TNFAIP2: variants seen among roughly 807,000 people sequenced by gnomAD.
TNFAIP2 encodes the protein TNF alpha induced protein 2, also known as tumor necrosis factor alpha-induced protein 2.
Under a neutral mutation model 63.5 loss-of-function variants are expected in TNFAIP2, and 47 were observed. That is an observed-to-expected ratio of 0.74 (90% CI 0.59 to 0.94). The LOEUF (loss-of-function observed/expected upper bound fraction) is 0.94. TNFAIP2 is among the 40% of genes least tolerant of loss of function. The pLI, the probability that TNFAIP2 is intolerant of heterozygous loss-of-function variation, is 0.00. For missense variants in TNFAIP2, 787 were observed against 850.2 expected (o/e 0.93, Z 0.92); for synonymous variants, 405 against 390.2 (o/e 1.04, Z -0.45).
At chr14:103,125,698 C>T (rs1316578623) in intron 1 of TNFAIP2, among the ~76,000 whole-genome samples, 1 of 152,198 alleles carries the variant, frequency 6.6e-6, no homozygotes, top group African/African-American at 2.4e-5. Context: ...CCCACTGTGG[C>T]TTCTGTAGAT....
intron 1 of TNFAIP2, among the ~76,000 whole-genome samples, chr14:103,125,560 C>A (rs1219265682): frequency 6.6e-6 from 1 of 152,154 alleles, no homozygotes; most frequent in East Asian, 1.9e-4. Flanking sequence ...TGCTACGATC[C>A]CATTTGGGAG....
Position 103,127,749 on chromosome 14 carries a change from T to C in TNFAIP2, c.860+120T>C. 8.1e-7 allele frequency: 1 copy of C among 1,230,074 alleles called. No individual in the cohort carries two copies. The highest frequency in any genetic ancestry group is 2.8e-5 in the East Asian group (1 of 36,140). 76.2% of individuals were successfully genotyped at this position (1,230,074 alleles called of 1,614,324 possible). A position where few individuals can be genotyped will look rare whatever the true frequency, so the allele number is the denominator to read the frequency against. ...TAGTGAGGTCGGTGTTTGCAGAGTT[T>C]TGGGTCCGAGAATGCAGGGGTGGGA... On this transcript the variant is annotated intron_variant, in intron 3 of 11. Transcript: ENST00000560869. This position sits in a 1 kb window ranked among gnomAD's most constrained non-coding sequence, Gnocchi z 5.1.
In TNFAIP2 at chr14:103,135,401, C is replaced by A. The variant is rs772335970; in HGVS notation, c.*41C>A. ...GACCTGCCTGTGAGTGCCCAGCAAG[C>A]CTTGGGCACACCCCGCTGGGAGCTG... On this transcript the variant is annotated 3_prime_UTR_variant, in exon 12 of 12. Coordinates refer to ENST00000560869, the MANE Select transcript of TNFAIP2 (RefSeq NM_006291.4). This position sits in a 1 kb window ranked among gnomAD's most constrained non-coding sequence, Gnocchi z 7.6. The A allele has an allele frequency of 8.3e-6, 13 of 1,565,314 alleles. No individual in the cohort carries two copies. In the East Asian group the frequency reaches 2.5e-4, roughly 30 times the overall value.
In TNFAIP2 at chr14:103,127,777, T is replaced by TG; in HGVS notation, c.860+150dup. On this transcript the variant is annotated intron_variant, in intron 3 of 11. Coordinates refer to ENST00000560869, the MANE Select transcript of TNFAIP2 (RefSeq NM_006291.4). This position sits in a 1 kb window ranked among gnomAD's most constrained non-coding sequence, Gnocchi z 5.1. ...GGTCCGAGAATGCAGGGGTGGGACT[T>TG]GGACTCCCTGGGGCAGAGCCTGGAC... The TG allele has an allele frequency of 1.1e-6, 1 of 913,850 alleles. No individual in the cohort carries two copies. Among genetic ancestry groups the TG allele is most frequent in the Non-Finnish European group, 1.5e-6 (1 of 649,214 alleles). 56.6% of individuals were successfully genotyped at this position (913,850 alleles called of 1,614,324 possible).
chr14:103,132,655 G>T, intron 8 of TNFAIP2, 95 bp from the exon 9 acceptor site: 1 of 1,516,880 alleles, frequency 6.6e-7, no homozygotes. Flanking sequence ...AGGCACATGT[G>T]TCGGTGTGTG....
At chr14:103,122,691 C>G (rs139806039), upstream of TNFAIP2, 1 of 456,040 alleles carries the variant, frequency 2.2e-6, no homozygotes, top group South Asian at 1.5e-5. Context: ...ATGATCCAGA[C>G]GAGGCCCTGG....
In TNFAIP2 at chr14:103,126,573, G is replaced by C. The variant is rs373274920; in HGVS notation, c.116G>C (p.Gly39Ala). ...KKKEKKKKSK[G>A]LANVFCVFTK... ...AAGGAGAAGAAGAAGAAGTCCAAAGGCCTGGCCAATGTGTTCTGCGTCTTC... is the reference window on the plus strand; with the variant it reads ...AAGGAGAAGAAGAAGAAGTCCAAAGCCCTGGCCAATGTGTTCTGCGTCTTC... Residue 39 changes from glycine to alanine, a missense_variant, in exon 2 of 12, where the codon GGC becomes GCC. By Grantham distance (60) the Gly-to-Ala change is moderately conservative. Transcript: ENST00000560869. 1 of 1,556,688 alleles carries C rather than the reference G, an allele frequency of 6.4e-7. No homozygotes were observed. Among genetic ancestry groups the C allele is most frequent in the Non-Finnish European group, 8.7e-7 (1 of 1,150,192 alleles).
chr14:103,126,266 G>T, intron 1 of TNFAIP2, 44 bp from the exon 2 acceptor site: 1 of 548,344 alleles, frequency 1.8e-6, no homozygotes, highest in Admixed American at 3.3e-5. Context: ...GGGAGCCAGG[G>T]CCGGTCCATG....
intron 9 of TNFAIP2, among the ~76,000 whole-genome samples, chr14:103,133,108 A>G (rs1173591815): frequency 2.0e-5 from 3 of 151,960 alleles, no homozygotes; most frequent in Non-Finnish European, 2.9e-5. Context: ...GAACACATGC[A>G]CACATATGAA....
At chr14:103,132,560 C>T (rs972526919) in intron 8 of TNFAIP2, 190 bp from the exon 9 acceptor site, 8 of 806,104 alleles carry the variant, frequency 9.9e-6, no homozygotes, top group African/African-American at 6.7e-5. Flanking sequence ...TGCACAGAGC[C>T]GGCTCCCACT....
rs1262723882 is a variant in TNFAIP2 at position 103,123,504 on chromosome 14, CA to C, written c.-595del. The C allele has an allele frequency of 6.6e-6, 1 of 152,258 alleles. No individual in the cohort carries two copies. Among genetic ancestry groups the C allele is most frequent in the African/African-American group, 2.4e-5 (1 of 41,442 alleles). 9.4% of individuals were successfully genotyped at this position (152,258 alleles called of 1,614,324 possible). A position where few individuals can be genotyped will look rare whatever the true frequency, so the allele number is the denominator to read the frequency against. ...ACACGGTAAGTGACCTCCGCTTCCA[CA>C]CGTCCATTCCCCGCCGCTCCGCGCG... On this transcript the variant is annotated 5_prime_UTR_variant, in exon 1 of 12. Coordinates refer to ENST00000560869, the MANE Select transcript of TNFAIP2 (RefSeq NM_006291.4).
chr14:103,133,904 C>T, intron 11 of TNFAIP2, 101 bp downstream of exon 11: 2 of 1,434,996 alleles, frequency 1.4e-6, no homozygotes, highest in Non-Finnish European at 1.8e-6. Flanking sequence ...GCCCACGTGC[C>T]AGTCACTGTG....
chr14:103,130,514 C>A (rs2087951649), intron 6 of TNFAIP2, 99 bp downstream of exon 6: 1 of 1,110,834 alleles, frequency 9.0e-7, no homozygotes, highest in African/African-American at 1.5e-5. Flanking sequence ...GATCCCCGCC[C>A]TCTACCCCTG....
chr14:103,133,612 C>G, intron 10 of TNFAIP2, 70 bp from the exon 11 acceptor site: 3 of 1,559,754 alleles, frequency 1.9e-6, no homozygotes, highest in Non-Finnish European at 2.6e-6. Flanking sequence ...TGGTGCCTCT[C>G]TAAGCCCAAC....
upstream of TNFAIP2, chr14:103,123,323 G>A (rs1216549728): frequency 1.3e-5 from 2 of 152,880 alleles, no homozygotes; most frequent in East Asian, 1.9e-4. Flanking sequence ...CTGGGACGCA[G>A]GGACACAGCC....
chr14:103,122,200 C>G (rs1207433752), upstream of TNFAIP2, among the ~76,000 whole-genome samples: 4 of 152,184 alleles, frequency 2.6e-5, no homozygotes, highest in Admixed American at 2.6e-4. Flanking sequence ...CCCACAGGTT[C>G]CCCAGAGACA....
At chr14:103,122,856 T>G (rs116958646), upstream of TNFAIP2, 24,366 of 455,022 alleles carry the variant, frequency 0.054, 830 homozygotes, top group Middle Eastern at 0.084. Context: ...GTCAGCCACT[T>G]CACCTTTCCG....
chr14:103,124,712 G>A (rs1462061364), intron 1 of TNFAIP2, among the ~76,000 whole-genome samples: 1 of 152,246 alleles, frequency 6.6e-6, no homozygotes, highest in Non-Finnish European at 1.5e-5. Context: ...GCTGGGAAGC[G>A]AAGTTGGGGC....
intron 3 of TNFAIP2, among the ~76,000 whole-genome samples, chr14:103,129,065 G>A (rs1668674611): frequency 1.3e-5 from 2 of 152,246 alleles, no homozygotes; most frequent in Admixed American, 1.3e-4. Flanking sequence ...CCAGGGCTGG[G>A]CAGTCCCCTG....
Sources: allele counts gnomAD v4.1 joint callset (sites outside exome capture counted in the v4.1 genomes callset), GRCh38; gene constraint gnomAD v4.1.1; non-coding constraint Gnocchi (gnomAD v3.1); transcripts MANE v1.5; gene names NCBI Gene and HGNC (gene_info 2026-07-23, HGNC 2026-07-21).